Variants in KIN observed in about 807,000 individuals in gnomAD.
KIN encodes the protein DNA/RNA-binding protein KIN17.
KIN carries 47 observed loss-of-function variants against 63.0 expected under a neutral mutation model. The observed-to-expected ratio is 0.75, with a 90% confidence interval of 0.59 to 0.95. The LOEUF is 0.95. KIN is among the 40% of genes least tolerant of loss of function. The probability of loss-of-function intolerance (pLI) is 0.00; values close to 1 mark genes in which losing one functional copy is unlikely to be tolerated. For missense variants in KIN, 408 were observed against 460.9 expected, an observed-to-expected ratio of 0.89 and a Z score of 1.05; for synonymous variants, 160 against 157.7, an observed-to-expected ratio of 1.01 and a Z score of -0.11.
Position 7,780,303 on chromosome 10 carries a change from A to G in KIN, c.214T>C (p.Phe72Leu), listed in dbSNP as rs773502551. The change falls in exon 3 of 13, where the codon TTC becomes CTC. Residue 72 changes from phenylalanine (F) to leucine (L), a missense_variant. This residue lies in a region of KIN where 110 missense variants were observed against 164.9 expected (regional missense o/e 0.67). Coordinates refer to ENST00000379562, the MANE Select transcript of KIN (RefSeq NM_012311.4). The stretch of plus-strand genomic sequence containing the variant: ...AGAAGTTCTAGAAAGTCATTTCGGA[A>G]TTCCCTAATAAAGAAAGAAAGGAAA... The part of the protein sequence containing the change: ...QQFMDYFSEE[F>L]RNDFLELLRR... The G allele has an allele frequency of 3.1e-6, 5 of 1,604,366 alleles. No individual in the cohort carries two copies. Among genetic ancestry groups the G allele is most frequent in the Non-Finnish European group, 3.4e-6 (4 of 1,176,026 alleles).
intron 7 of KIN, among the ~76,000 whole-genome samples, chr10:7,774,318 G>A (rs1588480745): frequency 1.3e-5 from 2 of 152,142 alleles, no homozygotes; most frequent in East Asian, 1.9e-4. Flanking sequence ...TCACAATGCA[G>A]CAAGTAAAAG....
At chr10:7,765,510 CAATA>C (rs766609836) in intron 9 of KIN, among the ~76,000 whole-genome samples, 1 of 152,034 alleles carries the variant, frequency 6.6e-6, no homozygotes, top group Non-Finnish European at 1.5e-5. Flanking sequence ...AATAGAGCAT[CAATA>C]AATAATCATT....
Position 7,751,087 on chromosome 10 carries a change from A to G in KIN, c.*4993T>C, listed in dbSNP as rs1352374670. 1 of 152,240 alleles carries G rather than the reference A, an allele frequency of 6.6e-6. No homozygotes were observed. The highest frequency in any genetic ancestry group is 1.9e-4 in the East Asian group (1 of 5,200). 9.4% of individuals were successfully genotyped at this position (152,240 alleles called of 1,614,324 possible). Reference sequence around the variant, plus strand: ...ATTTAAAGCGAAACTAGGTTACTTTATGCTGTCTGCATTTGTATAGTGGAT... The same window carrying G: ...ATTTAAAGCGAAACTAGGTTACTTTGTGCTGTCTGCATTTGTATAGTGGAT... On this transcript the variant is annotated 3_prime_UTR_variant, in exon 13 of 13. Transcript: ENST00000379562.
chr10:7,782,088 A>G (rs1835909369), intron 2 of KIN, among the ~76,000 whole-genome samples: 1 of 152,146 alleles, frequency 6.6e-6, no homozygotes, highest in African/African-American at 2.4e-5. Flanking sequence ...AAAAATTTAT[A>G]AACCAATTTT....
At position 7,762,461 on chromosome 10, in the gene KIN, T is replaced by A; in HGVS notation, c.1014A>T (p.Ala338=). ...DQTHLETVIP[A]PGKRILVLNG... ...ATGGTCTGCAAACAGATTTACCTGG[T>A]GCTGGAATTACTGTCTCTAAATGAG... The change falls in exon 11 of 13, where the codon GCA becomes GCT. Residue 338 remains alanine (A), a synonymous_variant. Transcript: ENST00000379562. 2 of 1,592,984 alleles carry A rather than the reference T, an allele frequency of 1.3e-6. No homozygotes were observed. The highest frequency in any genetic ancestry group is 1.7e-6 in the Non-Finnish European group (2 of 1,163,316).
At chr10:7,759,170 A>T (rs959635638) in intron 12 of KIN, among the ~76,000 whole-genome samples, 6 of 152,216 alleles carry the variant, frequency 3.9e-5, no homozygotes, top group Non-Finnish European at 7.4e-5. Context: ...AAGCTCCCCC[A>T]GAAATACTAA....
intron 2 of KIN, among the ~76,000 whole-genome samples, chr10:7,781,724 G>A (rs1835899795): frequency 8.4e-6 from 1 of 119,474 alleles, no homozygotes; most frequent in South Asian, 2.8e-4. Context: ...AGTAAGCCAT[G>A]ACTATGCCAC....
At chr10:7,781,232 A>G (rs905721659) in intron 2 of KIN, among the ~76,000 whole-genome samples, 2 of 152,164 alleles carry the variant, frequency 1.3e-5, no homozygotes, top group African/African-American at 4.8e-5. Flanking sequence ...TGCAAGAGAA[A>G]GCTATTTCCA....
chr10:7,783,944 T>C (rs932324850), intron 1 of KIN, among the ~76,000 whole-genome samples: 24 of 152,176 alleles, frequency 1.6e-4, no homozygotes, highest in Non-Finnish European at 2.6e-4. Flanking sequence ...ACCGTCCAGA[T>C]TTCCACACTC....
intron 11 of KIN, among the ~76,000 whole-genome samples, chr10:7,761,769 A>C (rs1257037709): frequency 6.6e-6 from 1 of 152,206 alleles, no homozygotes; most frequent in African/African-American, 2.4e-5. Context: ...TGGGAGGCTG[A>C]AGTGGGTGGA....
At chr10:7,783,875 G>A (rs1437201029) in intron 1 of KIN, among the ~76,000 whole-genome samples, 1 of 151,360 alleles carries the variant, frequency 6.6e-6, no homozygotes, top group African/African-American at 2.4e-5. Context: ...CAATTTAATA[G>A]GAAGTCTATT....
chr10:7,773,701 A>G (rs967980798), intron 7 of KIN, among the ~76,000 whole-genome samples: 2 of 152,204 alleles, frequency 1.3e-5, no homozygotes, highest in African/African-American at 4.8e-5. Context: ...TAAATAAACA[A>G]TGACCTACAA....
rs954597095 is a variant in KIN, at chr10:7,774,725, G to A, written c.668+106C>T. ...CAACCAATAAAAACCAAAAACAGGTGAAAACTACAACTAGAAAAAAATGAT... is the reference window on the plus strand; with the variant it reads ...CAACCAATAAAAACCAAAAACAGGTAAAAACTACAACTAGAAAAAAATGAT... On this transcript the variant is annotated intron_variant, in intron 7 of 12. Transcript: ENST00000379562. The A allele has an allele frequency of 2.1e-5, 19 of 916,104 alleles. No homozygotes were observed. The Admixed American group carries it at 4.2e-4, about 20-fold the overall frequency. 56.7% of individuals were successfully genotyped at this position (916,104 alleles called of 1,614,324 possible).
At chr10:7,770,176 C>A (rs1002370956) in intron 7 of KIN, among the ~76,000 whole-genome samples, 1 of 152,226 alleles carries the variant, frequency 6.6e-6, no homozygotes, top group Non-Finnish European at 1.5e-5. Context: ...GGTGATCCAC[C>A]TGCCTTGGCC....
rs371777633 is a variant in KIN at position 7,769,279 on chromosome 10, G to A, written c.735C>T (p.Ser245=). ...TTTCTTTAGACTGAGTTGAGCTCTG[G>A]GAAGATTCTTTTCGTTTCACTGATG... ...SSASVKRKES[S]QSSTQSKEKK... is the part of the protein sequence containing the mutation. The change falls in exon 8 of 13, where the codon TCC becomes TCT. Residue 245 remains serine, a synonymous_variant. Transcript: ENST00000379562. 1 of 1,613,470 alleles carries A rather than the reference G, an allele frequency of 6.2e-7. No individual in the cohort carries two copies. Among genetic ancestry groups the A allele is most frequent in the Non-Finnish European group, 8.5e-7 (1 of 1,179,664 alleles).
chr10:7,777,243 A>G (rs1264120988), intron 5 of KIN, among the ~76,000 whole-genome samples: 1 of 128,430 alleles, frequency 7.8e-6, no homozygotes, highest in Non-Finnish European at 1.7e-5. Context: ...GGAAAAGCAA[A>G]AGCTTTTTTT....
intron 1 of KIN, among the ~76,000 whole-genome samples, chr10:7,784,682 T>TA (rs978561038): frequency 5.3e-5 from 8 of 151,520 alleles, no homozygotes; most frequent in South Asian, 2.1e-4. Flanking sequence ...TCATAAATGT[T>TA]AAAAAAAAAT....
chr10:7,787,694 C>A, intron 1 of KIN, 126 bp downstream of exon 1: 1 of 737,034 alleles, frequency 1.4e-6, no homozygotes, highest in Non-Finnish European at 2.4e-6. Context: ...CCACTGCAGA[C>A]CTCAGAAGCC....
intron 9 of KIN, 62 bp from the exon 10 acceptor site, chr10:7,763,853 C>T: frequency 1.2e-6 from 1 of 833,834 alleles, no homozygotes; most frequent in Non-Finnish European, 1.9e-6. Flanking sequence ...TCATTTACTT[C>T]TTCCTTTTAA....
Sources: gnomAD v4.1 joint callset for allele counts (sites outside exome capture counted in the v4.1 genomes callset) on GRCh38, gnomAD v4.1.1 for gene constraint, gnomAD v4.1.1 regional missense constraint, MANE v1.5 for transcripts, NCBI Gene and HGNC (gene_info 2026-07-23, HGNC 2026-07-21) for gene names.